ABHD3: variants seen among roughly 807,000 people sequenced by gnomAD.
The protein encoded by ABHD3 is phospholipase ABHD3.
In ABHD3, 46 loss-of-function variants were observed where a neutral mutation model predicts 48.8. The ratio of observed to expected loss-of-function variants is 0.94; its 90% CI spans 0.74 to 1.20. The LOEUF (loss-of-function observed/expected upper bound fraction) is 1.20, where lower values mean the gene tolerates loss of function less well. Ranked by LOEUF, ABHD3 falls within the 50% of genes most tolerant of loss-of-function variation. The pLI is 0.00. For missense variants in ABHD3, 490 were observed against 497.8 expected, an observed-to-expected ratio of 0.98 and a Z score of 0.15; for synonymous variants, 192 against 183.7, an observed-to-expected ratio of 1.04 and a Z score of -0.36.
Position 21,653,339 on chromosome 18 carries a change from G to A in ABHD3, c.1058-1576C>T, listed in dbSNP as rs543729602. ...AATTTTTGTATTTTTAGTAGAGACGGGGTTTCACAATGTTGGCCAGGCTGG... is the reference window on the plus strand; with the variant it reads ...AATTTTTGTATTTTTAGTAGAGACGAGGTTTCACAATGTTGGCCAGGCTGG... On this transcript the variant is annotated intron_variant, in intron 8 of 8. Coordinates refer to ENST00000289119, the MANE Select transcript of ABHD3 (RefSeq NM_138340.5). Among the ~76,000 whole-genome samples the A allele has an allele frequency of 9.2e-5, 14 of 151,758 alleles. No individual in the cohort carries two copies. The South Asian group carries it at 2.9e-3, about 32-fold the overall frequency.
At chr18:21,683,842 A>G in intron 4 of ABHD3, 78 bp downstream of exon 4, 1 of 1,369,586 alleles carries the variant, frequency 7.3e-7, no homozygotes, top group South Asian at 1.5e-5. Flanking sequence ...ATTTTAAATA[A>G]AAAGAATATG....
chr18:21,662,234 T>C (rs959352188), intron 5 of ABHD3: 1 of 152,088 alleles, frequency 6.6e-6, no homozygotes, highest in Non-Finnish European at 1.5e-5. Flanking sequence ...CCTCCCAGCG[T>C]GTTGGGATTA....
chr18:21,666,773 T>C (rs2039641225), intron 4 of ABHD3, among the ~76,000 whole-genome samples: 1 of 152,202 alleles, frequency 6.6e-6, no homozygotes, highest in African/African-American at 2.4e-5. Flanking sequence ...CATGTGAATG[T>C]CATCAATAAG....
At chr18:21,668,114 T>C (rs1227868685) in intron 4 of ABHD3, among the ~76,000 whole-genome samples, 3 of 138,540 alleles carry the variant, frequency 2.2e-5, no homozygotes. Context: ...GGCAGGAGAA[T>C]GGCACGAACC....
rs747083662 is a variant in ABHD3, at chr18:21,656,726, G to T, written c.1057+135C>A. The T allele has an allele frequency of 2.3e-4, 192 of 830,256 alleles. 1 individual carries two copies. Among genetic ancestry groups the T allele is most frequent in the Non-Finnish European group, 3.3e-4 (181 of 552,750 alleles). 51.4% of individuals were successfully genotyped at this position (830,256 alleles called of 1,614,324 possible). On this transcript the variant is annotated intron_variant, in intron 8 of 8. Coordinates refer to ENST00000289119, the MANE Select transcript of ABHD3 (RefSeq NM_138340.5). ...ATATTTAAGTGATTTGAGACATTTA[G>T]ATACTGTGTTATGAGTATCTAGTTT...
intron 3 of ABHD3, among the ~76,000 whole-genome samples, chr18:21,689,486 T>G (rs1185994492): frequency 7.5e-6 from 1 of 134,100 alleles, no homozygotes; most frequent in African/African-American, 3.0e-5. Flanking sequence ...GAGGCGGAGT[T>G]TGCAGTGAGC....
chr18:21,697,348 T>C (rs2040394328), intron 3 of ABHD3, among the ~76,000 whole-genome samples: 2 of 151,774 alleles, frequency 1.3e-5, no homozygotes, highest in African/African-American at 2.4e-5. Context: ...GCTGGGATTA[T>C]AGGCGTGAGC....
intron 4 of ABHD3, among the ~76,000 whole-genome samples, chr18:21,665,032 C>T (rs2039589950): frequency 6.6e-6 from 1 of 151,946 alleles, no homozygotes; most frequent in South Asian, 2.1e-4. Context: ...GCAACCTCTG[C>T]CTCCCAGGTT....
chr18:21,665,162 C>A (rs969460707), intron 4 of ABHD3, among the ~76,000 whole-genome samples: 1 of 152,010 alleles, frequency 6.6e-6, no homozygotes, highest in African/African-American at 2.4e-5. Context: ...CCAGGCTGAT[C>A]TTGAACCCCT....
chr18:21,689,549 CAA>C (rs36011228), intron 3 of ABHD3, among the ~76,000 whole-genome samples: 10 of 41,794 alleles, frequency 2.4e-4, no homozygotes, highest in Admixed American at 3.8e-4. Context: ...AATCTGGTCT[CAA>C]AAAAAAAAAA....
chr18:21,693,111 G>C (rs1243764557), intron 3 of ABHD3, among the ~76,000 whole-genome samples: 1 of 152,160 alleles, frequency 6.6e-6, no homozygotes, highest in Non-Finnish European at 1.5e-5. Context: ...ATTAATAACA[G>C]TAAGGCGTAG....
At chr18:21,676,337 A>G (rs111864752) in intron 4 of ABHD3, among the ~76,000 whole-genome samples, 4 of 152,376 alleles carry the variant, frequency 2.6e-5, no homozygotes, top group African/African-American at 9.6e-5. Flanking sequence ...CAATGTATAC[A>G]TATTTCAAAA....
At chr18:21,698,360 T>C (rs1222352206) in intron 3 of ABHD3, among the ~76,000 whole-genome samples, 1 of 151,730 alleles carries the variant, frequency 6.6e-6, no homozygotes, top group Non-Finnish European at 1.5e-5. Context: ...TAAGTTTTTG[T>C]AGTTTTAGTA....
At chr18:21,667,074 T>C (rs1034022511) in intron 4 of ABHD3, among the ~76,000 whole-genome samples, 3 of 139,136 alleles carry the variant, frequency 2.2e-5, no homozygotes, top group Admixed American at 7.6e-5. Flanking sequence ...CTGAGAAAAT[T>C]ACATTTTTTT....
intron 8 of ABHD3, among the ~76,000 whole-genome samples, chr18:21,652,099 T>C (rs1205436925): frequency 2.6e-5 from 4 of 152,152 alleles, no homozygotes; most frequent in Non-Finnish European, 1.5e-5. Flanking sequence ...ATCCTCATAA[T>C]AGGCTATAAA....
intron 5 of ABHD3, among the ~76,000 whole-genome samples, chr18:21,660,892 T>G (rs2039477354): frequency 6.6e-6 from 1 of 151,884 alleles, no homozygotes; most frequent in African/African-American, 2.4e-5. Context: ...TCAGATATTG[T>G]TGGGAGGCTG....
At chr18:21,696,067 C>T (rs1175208706) in intron 3 of ABHD3, among the ~76,000 whole-genome samples, 1 of 151,014 alleles carries the variant, frequency 6.6e-6, no homozygotes, top group Non-Finnish European at 1.5e-5. Flanking sequence ...CTTTTTCTTC[C>T]CCCCTAGTAA....
chr18:21,655,840 AAAAC>A (rs1028573445), intron 8 of ABHD3, among the ~76,000 whole-genome samples: 2 of 145,162 alleles, frequency 1.4e-5, no homozygotes, highest in Admixed American at 6.9e-5. Flanking sequence ...AAAAAACAAA[AAAAC>A]AAACAAAAAA....
At chr18:21,667,539 C>A (rs974886180) in intron 4 of ABHD3, among the ~76,000 whole-genome samples, 4 of 152,094 alleles carry the variant, frequency 2.6e-5, no homozygotes, top group African/African-American at 9.7e-5. Context: ...CCGCGCCCAG[C>A]CGAAAATTAT....
Sources: allele counts gnomAD v4.1 joint callset (sites outside exome capture counted in the v4.1 genomes callset), GRCh38; gene constraint gnomAD v4.1.1; transcripts MANE v1.5; gene names NCBI Gene and HGNC (gene_info 2026-07-23, HGNC 2026-07-21).